Variants in TAFA2 observed in about 807,000 individuals in gnomAD.
TAFA2 encodes the protein TAFA chemokine like family member 2.
In TAFA2, 7 loss-of-function variants were observed where a neutral mutation model predicts 18.8. The observed-to-expected ratio is 0.37, with a 90% CI of 0.21 to 0.70. The LOEUF is 0.70. Ranked by LOEUF, TAFA2 falls within the 30% of genes least tolerant of loss-of-function variation. The probability of loss-of-function intolerance (pLI) is 0.53; values close to 1 mark genes in which losing one functional copy is unlikely to be tolerated. For missense variants in TAFA2, 122 were observed against 158.1 expected (o/e 0.77, Z 1.23); for synonymous variants, 60 against 54.2 (o/e 1.11, Z -0.47).
At chr12:61,896,374 C>G (rs116626353) in intron 1 of TAFA2, among the ~76,000 whole-genome samples, 1 of 152,186 alleles carries the variant, frequency 6.6e-6, no homozygotes, top group East Asian at 1.9e-4. Context: ...AAAAACATTA[C>G]GAAATATTTA....
intron 1 of TAFA2, among the ~76,000 whole-genome samples, chr12:62,232,620 T>G (rs946553519): frequency 6.6e-6 from 1 of 152,056 alleles, no homozygotes; most frequent in Non-Finnish European, 1.5e-5. Flanking sequence ...CAAGCAATTT[T>G]CCCATCTCAG....
intron 1 of TAFA2, among the ~76,000 whole-genome samples, chr12:62,185,992 T>C (rs1000369842): frequency 6.6e-6 from 1 of 152,178 alleles, no homozygotes; most frequent in African/African-American, 2.4e-5. Context: ...AAGGAATCTG[T>C]CTCCTCATAG....
chr12:61,889,008 A>G (rs73310205), intron 1 of TAFA2, among the ~76,000 whole-genome samples: 4,796 of 152,286 alleles, frequency 0.031, 243 homozygotes, highest in African/African-American at 0.11. Flanking sequence ...TCCAGCAGCA[A>G]TGGGCTGGCC....
intron 4 of TAFA2, among the ~76,000 whole-genome samples, chr12:61,749,504 G>A (rs1042048329): frequency 6.6e-6 from 1 of 151,990 alleles, no homozygotes; most frequent in East Asian, 1.9e-4. Context: ...ATTCTAATAT[G>A]AGTACTATTA....
At chr12:61,828,421 G>A (rs1872601890) in intron 2 of TAFA2, among the ~76,000 whole-genome samples, 1 of 151,696 alleles carries the variant, frequency 6.6e-6, no homozygotes, top group Non-Finnish European at 1.5e-5. Context: ...ATCAATAATT[G>A]TTGCCTCAAC....
At chr12:61,939,283 A>AATTTAT (rs1172940051) in intron 1 of TAFA2, among the ~76,000 whole-genome samples, 1 of 152,128 alleles carries the variant, frequency 6.6e-6, no homozygotes, top group Admixed American at 6.5e-5. Flanking sequence ...TATTACTCTT[A>AATTTAT]ATTTATATTG....
chr12:62,022,042 C>A, intron 1 of TAFA2: 1 of 598,608 alleles, frequency 1.7e-6, no homozygotes, highest in South Asian at 1.5e-5. Context: ...CAGCATAAAG[C>A]TCTACACTGC....
At chr12:62,084,552 A>G (rs1043923998) in intron 1 of TAFA2, among the ~76,000 whole-genome samples, 4 of 152,158 alleles carry the variant, frequency 2.6e-5, no homozygotes, top group Non-Finnish European at 4.4e-5. Context: ...GCTCCCCAAA[A>G]GGAGAGAAAA....
intron 1 of TAFA2, among the ~76,000 whole-genome samples, chr12:62,154,177 G>A (rs575526943): frequency 1.4e-3 from 218 of 152,226 alleles, no homozygotes; most frequent in Non-Finnish European, 2.4e-3. Flanking sequence ...AGGGCTGCTG[G>A]AGTTGGTTTA....
At chr12:61,762,212 G>A (rs1323505232) in intron 2 of TAFA2, among the ~76,000 whole-genome samples, 2 of 152,018 alleles carry the variant, frequency 1.3e-5, no homozygotes, top group Non-Finnish European at 2.9e-5. Context: ...ACCTTTCTAT[G>A]CAAGAAAGAC....
chr12:61,742,540 C>T (rs1312238138), intron 4 of TAFA2, among the ~76,000 whole-genome samples: 1 of 152,084 alleles, frequency 6.6e-6, no homozygotes, highest in Non-Finnish European at 1.5e-5. Flanking sequence ...TTGTTCCTTA[C>T]AGGTACTTTC....
At chr12:61,889,519 C>A (rs1363925351) in intron 1 of TAFA2, among the ~76,000 whole-genome samples, 2 of 152,136 alleles carry the variant, frequency 1.3e-5, no homozygotes, top group South Asian at 2.1e-4. Flanking sequence ...GTTCCAGACA[C>A]AAACTAGGTT....
chr12:61,844,910 A>G (rs1873340393), intron 2 of TAFA2, among the ~76,000 whole-genome samples: 1 of 152,120 alleles, frequency 6.6e-6, no homozygotes, highest in Non-Finnish European at 1.5e-5. Flanking sequence ...GTATATATAT[A>G]TATGTGAATA....
chr12:61,847,686 A>T (rs982376971), intron 2 of TAFA2, among the ~76,000 whole-genome samples: 2 of 152,232 alleles, frequency 1.3e-5, no homozygotes, highest in East Asian at 1.9e-4. Flanking sequence ...AGCAAAGTGC[A>T]TCACCTATCT....
At chr12:61,795,401 T>C (rs1871149502) in intron 2 of TAFA2, among the ~76,000 whole-genome samples, 1 of 151,982 alleles carries the variant, frequency 6.6e-6, no homozygotes, top group Non-Finnish European at 1.5e-5. Flanking sequence ...TATGCAGCCA[T>C]AAAAAAGGAT....
intron 1 of TAFA2, among the ~76,000 whole-genome samples, chr12:62,161,360 T>C (rs1350428621): frequency 1.3e-5 from 2 of 152,210 alleles, no homozygotes; most frequent in East Asian, 1.9e-4. Context: ...TATAATGGAA[T>C]ACTATTCAGC....
chr12:62,012,412 T>TA (rs11301631), intron 1 of TAFA2, among the ~76,000 whole-genome samples: 29 of 145,118 alleles, frequency 2.0e-4, no homozygotes, highest in East Asian at 4.0e-4. Context: ...TTTCAGCATT[T>TA]AAAAAAAAAA....
intron 1 of TAFA2, among the ~76,000 whole-genome samples, chr12:62,198,560 T>C (rs2062658370): frequency 6.6e-6 from 1 of 152,174 alleles, no homozygotes; most frequent in African/African-American, 2.4e-5. Flanking sequence ...TCTTAGCTTG[T>C]AGGATTGCTA....
At chr12:61,760,847 T>C (rs1869511555) in intron 2 of TAFA2, among the ~76,000 whole-genome samples, 2 of 151,164 alleles carry the variant, frequency 1.3e-5, no homozygotes, top group Non-Finnish European at 2.9e-5. Flanking sequence ...AACAATTTTA[T>C]TCATGTCACA....
Sources: allele counts gnomAD v4.1 joint callset (sites outside exome capture counted in the v4.1 genomes callset), GRCh38; gene constraint gnomAD v4.1.1; transcripts MANE v1.5; gene names NCBI Gene and HGNC (gene_info 2026-07-23, HGNC 2026-07-21).